The following RFX2 variants were observed in gnomAD, a reference collection of about 807,000 sequenced individuals.
The protein encoded by RFX2 is DNA-binding protein RFX2.
Under a neutral mutation model 87.8 loss-of-function variants are expected in RFX2, and 20 were observed. The observed-to-expected ratio is 0.23, with a 90% CI of 0.16 to 0.33. The LOEUF is 0.33. Among genes scored for constraint, RFX2 ranks in the 10% least tolerant of loss-of-function variants. The pLI, the probability that RFX2 is intolerant of heterozygous loss-of-function variation, is 1.00. For synonymous variants in RFX2, 397 were observed against 431.3 expected (o/e 0.92, Z 0.98); for missense variants, 767 against 1,012.3 (o/e 0.76, Z 3.29).
chr19:6,040,346 G>T lies in RFX2; in HGVS notation c.261-105C>A. 1 of 1,258,810 alleles carries T rather than the reference G, an allele frequency of 7.9e-7. No individual in the cohort carries two copies. Among genetic ancestry groups the T allele is most frequent in the Non-Finnish European group, 1.1e-6 (1 of 924,828 alleles). The allele number at this position is 1,258,810 out of a possible 1,614,324, so 78.0% of individuals were successfully genotyped here. On this transcript the variant is annotated intron_variant, in intron 4 of 17. Transcript: ENST00000303657. This position sits in a 1 kb window ranked among gnomAD's most constrained non-coding sequence, Gnocchi z 6.1. ...CATCACGTAAAAGCTGCAACCCAGA[G>T]AGGCCAGACATATGGAGCAATTCGG...
rs2087173166 is a variant in RFX2 at position 6,045,439 on chromosome 19, G to T, written c.91-1157C>A. Among the ~76,000 whole-genome samples, 2 of 152,154 alleles carry T rather than the reference G, an allele frequency of 1.3e-5. No individual in the cohort carries two copies. The highest frequency in any genetic ancestry group is 2.1e-4 in the South Asian group (1 of 4,828). ...AGGGGCTTGGCAGGAAGACCTGAGG[G>T]CTGACTCCTCTTGGACAATTTCAAG... On this transcript the variant is annotated intron_variant, in intron 2 of 17. Coordinates refer to ENST00000303657, the MANE Select transcript of RFX2 (RefSeq NM_000635.4). This position sits in a 1 kb window ranked among gnomAD's most constrained non-coding sequence, Gnocchi z 5.2.
At position 6,002,138 on chromosome 19, in the gene RFX2, C is replaced by T; in HGVS notation, c.1651-115G>A. ...CGTGCTGTGCTTGAGCCTTCTCGCCCTTGACCTTGACAGCTGCAAGCCAAG... is the reference window on the plus strand; with the variant it reads ...CGTGCTGTGCTTGAGCCTTCTCGCCTTTGACCTTGACAGCTGCAAGCCAAG... On this transcript the variant is annotated intron_variant, in intron 14 of 17. Coordinates refer to ENST00000303657, the MANE Select transcript of RFX2 (RefSeq NM_000635.4). The surrounding 1 kb of genome is among the most constrained non-coding windows in gnomAD (Gnocchi z 6.7). 1.1e-6 allele frequency: 1 copy of T among 872,964 alleles called. No homozygotes were observed. Among genetic ancestry groups the T allele is most frequent in the Non-Finnish European group, 1.7e-6 (1 of 594,218 alleles). 54.1% of individuals were successfully genotyped at this position (872,964 alleles called of 1,614,324 possible). A position where few individuals can be genotyped will look rare whatever the true frequency, so the allele number is the denominator to read the frequency against.
At chr19:6,080,997 T>C (rs2087773461) in intron 1 of RFX2, among the ~76,000 whole-genome samples, 2 of 147,896 alleles carry the variant, frequency 1.4e-5, no homozygotes, top group Admixed American at 1.4e-4. Flanking sequence ...AATCATGCCA[T>C]TGCATACCAG....
At chr19:6,055,393 C>G (rs1189455957) in intron 1 of RFX2, among the ~76,000 whole-genome samples, 2 of 152,132 alleles carry the variant, frequency 1.3e-5, no homozygotes, top group Non-Finnish European at 2.9e-5. Flanking sequence ...ATAATAACAA[C>G]TTGTATAAGC....
Position 6,007,901 on chromosome 19 carries a change from G to T in RFX2, c.1135-99C>A. 4 of 947,430 alleles carry T rather than the reference G, an allele frequency of 4.2e-6. No homozygotes were observed. The highest frequency in any genetic ancestry group is 1.7e-6 in the Non-Finnish European group (1 of 603,616). 58.7% of individuals were successfully genotyped at this position (947,430 alleles called of 1,614,324 possible). A position where few individuals can be genotyped will look rare whatever the true frequency, so the allele number is the denominator to read the frequency against. ...CAGCCGTGATCCGGGCTACAGCGGG[G>T]TGCCCTGGAATCCCAAGGGAGGCCA... On this transcript the variant is annotated intron_variant, in intron 10 of 17. Coordinates refer to ENST00000303657, the MANE Select transcript of RFX2 (RefSeq NM_000635.4). This position sits in a 1 kb window ranked among gnomAD's most constrained non-coding sequence, Gnocchi z 8.2.
At position 6,022,568 on chromosome 19, in the gene RFX2, C is replaced by T. The variant is rs1039373465; in HGVS notation, c.597+3595G>A. 1.3e-5 allele frequency among the ~76,000 whole-genome samples: 2 copies of T among 152,216 alleles called. No homozygotes were observed. The highest frequency in any genetic ancestry group is 2.9e-5 in the Non-Finnish European group (2 of 68,026). Reference sequence around the variant, plus strand: ...CCCCCAGGGGCTGAGGCCGCCTCTTCTGCTCAAGTCGGTGGCCTGCCACAC... The same window carrying T: ...CCCCCAGGGGCTGAGGCCGCCTCTTTTGCTCAAGTCGGTGGCCTGCCACAC... On this transcript the variant is annotated intron_variant, in intron 6 of 17. Coordinates refer to ENST00000303657, the MANE Select transcript of RFX2 (RefSeq NM_000635.4). The surrounding 1 kb of genome is among the most constrained non-coding windows in gnomAD (Gnocchi z 6.2).
Position 6,010,207 on chromosome 19 carries a change from G to A in RFX2, c.944C>T (p.Ser315Phe), listed in dbSNP as rs1188411660. Residue 315 changes from serine to phenylalanine, a missense_variant, in exon 9 of 18, where the codon TCC becomes TTC. Around this residue, in one of 2 missense-constraint regions of RFX2, gnomAD observed 621 missense variants for 873.0 expected, o/e 0.71. Transcript: ENST00000303657. The surrounding 1 kb of genome is among the most constrained non-coding windows in gnomAD (Gnocchi z 5.0). ...CGGAGTGCTGTGCAGGCCGCTGTGG[G>A]AGCCGCTGTCCCCGAGGCTGTCCGT... ...QKTDSLGDSGSHSGLHSTPEQ... is the reference protein window; with the variant it reads ...QKTDSLGDSGFHSGLHSTPEQ... 6.5e-7 allele frequency: 1 copy of A among 1,548,522 alleles called. No individual in the cohort carries two copies. Among genetic ancestry groups the A allele is most frequent in the Non-Finnish European group, 8.7e-7 (1 of 1,146,980 alleles).
chr19:6,075,781 G>A (rs574303782), intron 1 of RFX2, among the ~76,000 whole-genome samples: 3 of 152,188 alleles, frequency 2.0e-5, no homozygotes, highest in Admixed American at 1.3e-4. Flanking sequence ...ACAAGTCCAG[G>A]ATTCGGGGAG....
intron 1 of RFX2, among the ~76,000 whole-genome samples, chr19:6,075,924 G>A (rs1300069626): frequency 6.6e-6 from 1 of 152,232 alleles, no homozygotes; most frequent in African/African-American, 2.4e-5. Context: ...CAAAGGTCAT[G>A]AACAGTTGGA....
chr19:6,070,659 C>A (rs1009210594), intron 1 of RFX2, among the ~76,000 whole-genome samples: 5 of 152,094 alleles, frequency 3.3e-5, no homozygotes, highest in Non-Finnish European at 7.4e-5. Context: ...CTGACAGAAG[C>A]CCCACTCCTC....
intron 12 of RFX2, among the ~76,000 whole-genome samples, chr19:6,005,984 G>A (rs555018002): frequency 1.3e-5 from 2 of 152,316 alleles, no homozygotes; most frequent in African/African-American, 4.8e-5. Flanking sequence ...CCCAGAGGCC[G>A]GCCTGCATGC....
Position 5,994,528 on chromosome 19 carries a change from G to A in RFX2, c.*307C>T. 2.7e-6 allele frequency: 1 copy of A among 373,134 alleles called. No individual in the cohort carries two copies. Among genetic ancestry groups the A allele is most frequent in the Non-Finnish European group, 4.9e-6 (1 of 202,418 alleles). The allele number at this position is 373,134 out of a possible 1,614,324, so 23.1% of individuals were successfully genotyped here. A position where few individuals can be genotyped will look rare whatever the true frequency, so the allele number is the denominator to read the frequency against. ...AGCTCTTAAAGGGACTGGGGCCAAAGTCCAGGGTTCCAGCAGAGGAGGGTT... is the reference window on the plus strand; with the variant it reads ...AGCTCTTAAAGGGACTGGGGCCAAAATCCAGGGTTCCAGCAGAGGAGGGTT... On this transcript the variant is annotated 3_prime_UTR_variant, in exon 18 of 18. Coordinates refer to ENST00000303657, the MANE Select transcript of RFX2 (RefSeq NM_000635.4).
chr19:6,092,510 G>C (rs1431049097), intron 1 of RFX2, among the ~76,000 whole-genome samples: 2 of 152,202 alleles, frequency 1.3e-5, no homozygotes, highest in African/African-American at 4.8e-5. Context: ...CAGAGGGGCG[G>C]GGCAGGCCGT....
At chr19:6,048,874 GC>G (rs1568524479) in intron 1 of RFX2, among the ~76,000 whole-genome samples, 2 of 150,112 alleles carry the variant, frequency 1.3e-5, no homozygotes, top group African/African-American at 4.9e-5. Flanking sequence ...CCGCTCCCCG[GC>G]CCCCGCCCCC....
rs374150969 is a variant in RFX2, at chr19:6,061,717, C to T, written c.-8-14213G>A. 1.3e-4 allele frequency among the ~76,000 whole-genome samples: 20 copies of T among 152,262 alleles called. No homozygotes were observed. The highest frequency in any genetic ancestry group is 4.6e-4 in the African/African-American group (19 of 41,546). On this transcript the variant is annotated intron_variant, in intron 1 of 17. Transcript: ENST00000303657. The surrounding 1 kb of genome is among the most constrained non-coding windows in gnomAD (Gnocchi z 5.2). The stretch of plus-strand genomic sequence containing the variant: ...TGGCTGGGAAGGAGGTATGACCACC[C>T]GGAGCAGAGGGAGGAGGCCAGGCTT...
At chr19:6,076,409 G>A (rs978015226) in intron 1 of RFX2, among the ~76,000 whole-genome samples, 8 of 152,088 alleles carry the variant, frequency 5.3e-5, no homozygotes, top group East Asian at 1.9e-4. Context: ...ACTACCTTAC[G>A]GTGCATCCTA....
chr19:6,066,903 C>T (rs1344547459), intron 1 of RFX2, among the ~76,000 whole-genome samples: 1 of 152,154 alleles, frequency 6.6e-6, no homozygotes, highest in Non-Finnish European at 1.5e-5. Flanking sequence ...CCCGGAGCAA[C>T]CCCCTCTATC....
rs112970103 is a variant in RFX2 at position 6,046,920 on chromosome 19, C to T, written c.90+487G>A. Among the ~76,000 whole-genome samples, 500 of 150,090 alleles carry T rather than the reference C, an allele frequency of 3.3e-3. 4 individuals are homozygous for T. The highest frequency in any genetic ancestry group is 0.012 in the African/African-American group (470 of 39,984). ...CTGGGACTACAGGTGCAGCCCACCA[C>T]GCTTGGCTAATTTTTTTTTTTTTTT... On this transcript the variant is annotated intron_variant, in intron 2 of 17. Transcript: ENST00000303657.
In RFX2 at chr19:6,017,863, C is replaced by G. The variant is rs1027556778; in HGVS notation, c.598-1592G>C. Among the ~76,000 whole-genome samples, 4 of 152,040 alleles carry G rather than the reference C, an allele frequency of 2.6e-5. No individual in the cohort carries two copies. The highest frequency in any genetic ancestry group is 9.6e-5 in the African/African-American group (4 of 41,532). On this transcript the variant is annotated intron_variant, in intron 6 of 17. Coordinates refer to ENST00000303657, the MANE Select transcript of RFX2 (RefSeq NM_000635.4). The surrounding 1 kb of genome is among the most constrained non-coding windows in gnomAD (Gnocchi z 4.1). ...GGAAATATCTGTCCACTCACCACAGCGTACCCATGGCACCCCCCCGCCCCA... is the reference window on the plus strand; with the variant it reads ...GGAAATATCTGTCCACTCACCACAGGGTACCCATGGCACCCCCCCGCCCCA...
Sources: allele counts gnomAD v4.1 joint callset (sites outside exome capture counted in the v4.1 genomes callset), GRCh38; gene constraint gnomAD v4.1.1; regional missense constraint gnomAD v4.1.1; non-coding constraint Gnocchi (gnomAD v3.1); transcripts MANE v1.5; gene names NCBI Gene and HGNC (gene_info 2026-07-23, HGNC 2026-07-21).